IBTK: variants seen among roughly 807,000 people sequenced by gnomAD.
IBTK encodes BTK-binding protein.
A neutral mutation model predicts 154.9 loss-of-function variants in IBTK; 83 were observed. That is an observed-to-expected ratio of 0.54 (90% confidence interval 0.45 to 0.64). IBTK has a LOEUF of 0.64. Among genes scored for constraint, IBTK ranks in the 30% least tolerant of loss-of-function variants. The probability of loss-of-function intolerance (pLI) is 0.00; values close to 1 mark genes in which losing one functional copy is unlikely to be tolerated. For missense variants in IBTK, 1,332 were observed against 1,584.6 expected, an observed-to-expected ratio of 0.84 and a Z score of 2.71; for synonymous variants, 515 against 536.1, an observed-to-expected ratio of 0.96 and a Z score of 0.54.
intron 6 of IBTK, among the ~76,000 whole-genome samples, chr6:82,225,239 G>T (rs1259555068): frequency 6.6e-6 from 1 of 151,966 alleles, no homozygotes; most frequent in African/African-American, 2.4e-5. Flanking sequence ...GAACCCGAGG[G>T]GCAGAGGTTG....
intron 4 of IBTK, among the ~76,000 whole-genome samples, chr6:82,229,649 A>G (rs945282535): frequency 6.6e-6 from 1 of 152,038 alleles, no homozygotes; most frequent in African/African-American, 2.4e-5. Context: ...CAGCTTGTAC[A>G]CTTGCTGCCC....
intron 16 of IBTK, chr6:82,205,218 C>T (rs1383324009): frequency 4.2e-6 from 1 of 237,592 alleles, no homozygotes; most frequent in East Asian, 8.4e-5. Context: ...CTTGATCTCA[C>T]ACTAGGACCA....
intron 2 of IBTK, among the ~76,000 whole-genome samples, chr6:82,239,066 C>T (rs1382093030): frequency 6.6e-6 from 1 of 151,896 alleles, no homozygotes; most frequent in Non-Finnish European, 1.5e-5. Context: ...TTATAAACAC[C>T]GTATGTTAAC....
chr6:82,215,656 G>A (rs533977787), intron 11 of IBTK, among the ~76,000 whole-genome samples: 52 of 151,688 alleles, frequency 3.4e-4, no homozygotes, highest in African/African-American at 1.1e-3. Context: ...GTGTGGTGGC[G>A]GGCACCTGTA....
chr6:82,200,177 T>C lies in IBTK; in HGVS notation c.2989A>G (p.Asn997Asp). 1 of 1,613,136 alleles carries C rather than the reference T, an allele frequency of 6.2e-7. No individual in the cohort carries two copies. Among genetic ancestry groups the C allele is most frequent in the Non-Finnish European group, 8.5e-7 (1 of 1,179,452 alleles). The change falls in exon 21 of 29, where the codon AAC becomes GAC. Residue 997 changes from asparagine (N) to aspartate (D), a missense_variant. This residue lies in a region of IBTK where 1,134 missense variants were observed against 1,274.7 expected (regional missense o/e 0.89). Transcript: ENST00000306270. Reference sequence around the variant, plus strand: ...GGACTCTGAATAATATCTGAAAGGTTATAACCTCCAGAACTATCTGAACGT... The same window carrying C: ...GGACTCTGAATAATATCTGAAAGGTCATAACCTCCAGAACTATCTGAACGT... ...RKRSDSSGGY[N>D]LSDIIQSPSS... is the part of the protein sequence containing the mutation.
chr6:82,194,307 G>A (rs182272340), intron 23 of IBTK, among the ~76,000 whole-genome samples, 172 bp downstream of exon 23: 170 of 152,128 alleles, frequency 1.1e-3, no homozygotes, highest in African/African-American at 3.7e-3. Context: ...GGGTTGGTTG[G>A]GGGGGAAGCC....
chr6:82,217,509 C>G (rs1430190885), intron 10 of IBTK, among the ~76,000 whole-genome samples: 4 of 152,074 alleles, frequency 2.6e-5, no homozygotes, highest in Non-Finnish European at 5.9e-5. Context: ...TCCCCTATAT[C>G]TGGCACATAG....
chr6:82,194,712 T>C (rs1473893247), intron 22 of IBTK, 70 bp from the exon 23 acceptor site: 4 of 968,048 alleles, frequency 4.1e-6, no homozygotes, highest in African/African-American at 3.4e-5. Flanking sequence ...AGCTGGTACT[T>C]AATAAATATT....
intron 1 of IBTK, among the ~76,000 whole-genome samples, chr6:82,243,149 G>A (rs1484221011): frequency 6.6e-6 from 1 of 151,566 alleles, no homozygotes; most frequent in Non-Finnish European, 1.5e-5. Flanking sequence ...GCTGAGGCAG[G>A]AGAATGGCGT....
chr6:82,233,155 CA>C (rs35870814), intron 3 of IBTK, among the ~76,000 whole-genome samples: 11,213 of 93,354 alleles, frequency 0.12, 417 homozygotes, highest in African/African-American at 0.15. Context: ...GAAACTGTCT[CA>C]AAAAAAAAAA....
chr6:82,240,288 C>A lies in IBTK; in HGVS notation c.199G>T (p.Val67Leu), dbSNP rs1348913951. 1 of 1,614,216 alleles carries A rather than the reference C, an allele frequency of 6.2e-7. No individual in the cohort carries two copies. Among genetic ancestry groups the A allele is most frequent in the Non-Finnish European group, 8.5e-7 (1 of 1,180,028 alleles). ...HLVSSCGKKG[V>L]LDWLIQKGVD... is the part of the protein sequence containing the mutation. ...CCTTTCTGAATAAGCCAATCTAACA[C>A]TCCTTTCTTTCCACAGGAGGAAACA... Residue 67 changes from valine to leucine, a missense_variant, in exon 2 of 29, where the codon GTG becomes TTG. Val to Leu is a conservative substitution (Grantham distance 32, BLOSUM62 1). Around this residue, in one of 3 missense-constraint regions of IBTK, gnomAD observed 84 missense variants for 96.2 expected, o/e 0.87. Coordinates refer to ENST00000306270, the MANE Select transcript of IBTK (RefSeq NM_015525.4).
intron 25 of IBTK, among the ~76,000 whole-genome samples, chr6:82,185,579 A>G (rs1367065137): frequency 2.7e-5 from 4 of 150,684 alleles, no homozygotes; most frequent in African/African-American, 7.3e-5. Context: ...TGCATACGAG[A>G]TATGTTCTCA....
intron 19 of IBTK, 22 bp downstream of exon 19, chr6:82,201,400 A>G: frequency 1.3e-6 from 2 of 1,579,510 alleles, no homozygotes; most frequent in Non-Finnish European, 1.7e-6. Flanking sequence ...TAGCCGCGAA[A>G]ATCTTAAAAC....
At chr6:82,185,178 G>C (rs1768495053) in intron 25 of IBTK, among the ~76,000 whole-genome samples, 1 of 107,954 alleles carries the variant, frequency 9.3e-6, no homozygotes, top group Non-Finnish European at 1.8e-5. Context: ...GCAAAACTCT[G>C]TCTCAGAAAA....
intron 1 of IBTK, among the ~76,000 whole-genome samples, chr6:82,241,456 G>C (rs535553038): frequency 3.0e-4 from 45 of 152,196 alleles, no homozygotes; most frequent in African/African-American, 1.1e-3. Flanking sequence ...TTCATCACAT[G>C]AAGAGATGAT....
rs192989080 is a variant in IBTK at position 82,177,792 on chromosome 6, C to T, written c.3725+4087G>A. ...CTCAAACTCCTGGCCTCATGTGATC[C>T]GCCCACATCAGCCCCACAAAGTGCT... is the stretch of plus-strand genomic sequence containing the variant. On this transcript the variant is annotated intron_variant, in intron 26 of 28. Transcript: ENST00000306270. 4.6e-4 allele frequency among the ~76,000 whole-genome samples: 70 copies of T among 152,026 alleles called. No individual in the cohort carries two copies. The East Asian group carries it at 6.2e-3, about 13-fold the overall frequency.
chr6:82,191,875 C>CA lies in IBTK; in HGVS notation c.3342dup (p.Val1115CysfsTer18), dbSNP rs1768783210. The CA allele has an allele frequency of 6.2e-7, 1 of 1,602,164 alleles. No individual in the cohort carries two copies. Among genetic ancestry groups the CA allele is most frequent in the Non-Finnish European group, 8.5e-7 (1 of 1,170,672 alleles). ...CTGAGATCCACAACAGGAGGGCTGA[C>CA]AGGACTAAAAGACATAAAAGGTTAC... On this transcript the variant is annotated frameshift_variant, in exon 24 of 29. Transcript: ENST00000306270. LOFTEE classifies it high-confidence loss of function.
chr6:82,216,607 C>A (rs979852865), intron 10 of IBTK, among the ~76,000 whole-genome samples: 4 of 152,146 alleles, frequency 2.6e-5, no homozygotes, highest in African/African-American at 4.8e-5. Flanking sequence ...GAAAAAAATT[C>A]TTCAACTTGG....
At chr6:82,190,286 T>A (rs531894208) in intron 25 of IBTK, among the ~76,000 whole-genome samples, 1 of 152,142 alleles carries the variant, frequency 6.6e-6, no homozygotes, top group Non-Finnish European at 1.5e-5. Context: ...TAATGTGGCC[T>A]TAGAAACATT....
Sources: gnomAD v4.1 joint callset for allele counts (sites outside exome capture counted in the v4.1 genomes callset) on GRCh38, gnomAD v4.1.1 for gene constraint, gnomAD v4.1.1 regional missense constraint, MANE v1.5 for transcripts, NCBI Gene and HGNC (gene_info 2026-07-23, HGNC 2026-07-21) for gene names.